The following SAXO1 variants were observed in gnomAD, a reference collection of about 807,000 sequenced individuals.
SAXO1 encodes 4930500O09Rik.
Under a neutral mutation model 17.5 loss-of-function variants are expected in SAXO1, and 21 were observed. The ratio of observed to expected loss-of-function variants is 1.20; its 90% CI spans 0.85 to 1.72. The LOEUF (loss-of-function observed/expected upper bound fraction) is 1.72, where lower values mean the gene tolerates loss of function less well. Ranked by LOEUF, SAXO1 falls within the 40% of genes most tolerant of loss-of-function variation. SAXO1 has a pLI of 0.00. For synonymous variants in SAXO1, 274 were observed against 216.5 expected (o/e 1.27, Z -2.33); for missense variants, 843 against 596.0 (o/e 1.41, Z -4.32).
intron 1 of SAXO1, among the ~76,000 whole-genome samples, chr9:19,016,107 C>A (rs375417421): frequency 4.6e-5 from 7 of 152,154 alleles, no homozygotes; most frequent in Non-Finnish European, 7.4e-5. Context: ...ATATAAGATC[C>A]ATTCCTGTGA....
intron 1 of SAXO1, among the ~76,000 whole-genome samples, chr9:18,964,759 A>C (rs1368460751): frequency 1.3e-5 from 2 of 151,836 alleles, no homozygotes; most frequent in East Asian, 3.9e-4. Flanking sequence ...AACTCCCTCA[A>C]TTCTGTTCTG....
chr9:18,937,232 G>A (rs1563928584), intron 3 of SAXO1, among the ~76,000 whole-genome samples: 1 of 152,222 alleles, frequency 6.6e-6, no homozygotes, highest in Non-Finnish European at 1.5e-5. Flanking sequence ...AATGGTAAGT[G>A]GCATGGGCCT....
chr9:19,013,844 G>A (rs911989997), intron 1 of SAXO1, among the ~76,000 whole-genome samples: 1 of 152,072 alleles, frequency 6.6e-6, no homozygotes, highest in Non-Finnish European at 1.5e-5. Flanking sequence ...GCCACGCCCA[G>A]CCCAGATATT....
intron 3 of SAXO1, 99 bp from the exon 4 acceptor site, chr9:18,929,154 G>C: frequency 7.5e-7 from 1 of 1,339,334 alleles, no homozygotes; most frequent in Non-Finnish European, 1.0e-6. Context: ...CTCCGATGAA[G>C]TGTTCTTTGA....
intron 1 of SAXO1, among the ~76,000 whole-genome samples, chr9:18,958,372 C>G (rs976646919): frequency 1.3e-5 from 2 of 152,034 alleles, no homozygotes; most frequent in African/African-American, 4.8e-5. Context: ...TGCCCTGAGT[C>G]GAGATAGCAA....
chr9:18,954,053 C>T (rs998781993), intron 1 of SAXO1, among the ~76,000 whole-genome samples: 2 of 152,180 alleles, frequency 1.3e-5, no homozygotes, highest in African/African-American at 2.4e-5. Context: ...CTGCCCTCGC[C>T]ACCTTGCTCA....
intron 1 of SAXO1, among the ~76,000 whole-genome samples, 157 bp from the exon 2 acceptor site, chr9:18,951,094 G>A (rs1051484785): frequency 4.6e-5 from 7 of 152,146 alleles, no homozygotes; most frequent in African/African-American, 7.2e-5. Flanking sequence ...ACTAAACTAC[G>A]TGAAGTGGCC....
At chr9:18,955,255 T>C (rs544131988) in intron 1 of SAXO1, among the ~76,000 whole-genome samples, 1 of 147,900 alleles carries the variant, frequency 6.8e-6, no homozygotes, top group South Asian at 2.2e-4. Context: ...AATTAATTTA[T>C]TAATGTTTCA....
At chr9:19,029,248 G>C (rs542615167) in intron 1 of SAXO1, among the ~76,000 whole-genome samples, 3 of 152,152 alleles carry the variant, frequency 2.0e-5, no homozygotes, top group Non-Finnish European at 4.4e-5. Flanking sequence ...GAAAAACTTC[G>C]GAAGAAGAGA....
chr9:19,013,631 C>G (rs1046388490), intron 1 of SAXO1, among the ~76,000 whole-genome samples: 2 of 145,740 alleles, frequency 1.4e-5, no homozygotes, highest in African/African-American at 5.1e-5. Context: ...ACTGCAACCT[C>G]TGCCTCCCGG....
chr9:18,953,799 T>C (rs1183015470), intron 1 of SAXO1, among the ~76,000 whole-genome samples: 1 of 152,194 alleles, frequency 6.6e-6, no homozygotes, highest in East Asian at 1.9e-4. Context: ...ATAAACAGTG[T>C]GTAAGAGGAT....
chr9:19,024,304 C>T (rs1563988705), intron 1 of SAXO1, among the ~76,000 whole-genome samples: 1 of 151,888 alleles, frequency 6.6e-6, no homozygotes, highest in Non-Finnish European at 1.5e-5. Flanking sequence ...GCTCCTCTCC[C>T]GCCTAATCCT....
rs984140674 is a variant in SAXO1 at position 18,988,546 on chromosome 9, TA to T, written c.39-37610del. Among the ~76,000 whole-genome samples the T allele has an allele frequency of 3.9e-5, 6 of 152,350 alleles. No individual in the cohort carries two copies. The South Asian group carries it at 1.2e-3, about 32-fold the overall frequency. On this transcript the variant is annotated intron_variant, in intron 1 of 3. Coordinates refer to ENST00000380534, the MANE Select transcript of SAXO1 (RefSeq NM_153707.4). ...TACATCTGTATGGCATTCTACAGTT[TA>T]TTAAGTTCTTTCATATACATTAAAT...
chr9:18,954,338 A>C (rs1197874945), intron 1 of SAXO1, among the ~76,000 whole-genome samples: 1 of 146,872 alleles, frequency 6.8e-6, no homozygotes, highest in Non-Finnish European at 1.5e-5. Flanking sequence ...CTAGAATCAC[A>C]GAATTTTTTT....
chr9:19,024,247 A>C (rs1002739592), intron 1 of SAXO1, among the ~76,000 whole-genome samples: 9 of 151,756 alleles, frequency 5.9e-5, no homozygotes, highest in Non-Finnish European at 1.3e-4. Flanking sequence ...CCCTGCAGCA[A>C]GGGCAGCCGC....
intron 1 of SAXO1, among the ~76,000 whole-genome samples, chr9:19,021,056 A>C (rs1256661391): frequency 6.6e-6 from 1 of 152,146 alleles, no homozygotes; most frequent in Non-Finnish European, 1.5e-5. Flanking sequence ...TATTACCTAA[A>C]ACTGCTCTCC....
chr9:19,013,977 A>G (rs559601178), intron 1 of SAXO1, among the ~76,000 whole-genome samples: 4 of 152,364 alleles, frequency 2.6e-5, no homozygotes, highest in Admixed American at 2.0e-4. Context: ...AGTCTGAAAT[A>G]CAGGTTGTCA....
intron 3 of SAXO1, among the ~76,000 whole-genome samples, chr9:18,932,614 G>C (rs1831102839): frequency 6.6e-6 from 1 of 152,174 alleles, no homozygotes; most frequent in Admixed American, 6.5e-5. Context: ...TGAATCTACA[G>C]ATCAATTTGG....
At chr9:19,018,580 G>C (rs772215913) in intron 1 of SAXO1, among the ~76,000 whole-genome samples, 14 of 152,204 alleles carry the variant, frequency 9.2e-5, no homozygotes, top group Admixed American at 3.3e-4. Flanking sequence ...GTCATGGCTA[G>C]AGTCCCAGGC....
Sources: allele counts gnomAD v4.1 joint callset (sites outside exome capture counted in the v4.1 genomes callset), GRCh38; gene constraint gnomAD v4.1.1; transcripts MANE v1.5; gene names NCBI Gene and HGNC (gene_info 2026-07-23, HGNC 2026-07-21).